The following SLFN12L variants were observed in gnomAD, a reference collection of about 807,000 sequenced individuals.
SLFN12L encodes the protein schlafen family member 12-like.
Under a neutral mutation model 34.8 loss-of-function variants are expected in SLFN12L, and 34 were observed. That is an observed-to-expected ratio of 0.98 (90% confidence interval 0.74 to 1.30). SLFN12L has a LOEUF of 1.30. Ranked by LOEUF, SLFN12L falls within the 50% of genes most tolerant of loss-of-function variation. The probability of loss-of-function intolerance (pLI) is 0.00; values close to 1 mark genes in which losing one functional copy is unlikely to be tolerated. For synonymous variants in SLFN12L, 259 were observed against 247.5 expected, an observed-to-expected ratio of 1.05 and a Z score of -0.44; for missense variants, 703 against 696.2, an observed-to-expected ratio of 1.01 and a Z score of -0.11.
At chr17:35,489,789 C>T (rs920046053) in intron 2 of SLFN12L, among the ~76,000 whole-genome samples, 1 of 152,162 alleles carries the variant, frequency 6.6e-6, no homozygotes, top group Non-Finnish European at 1.5e-5. Flanking sequence ...GACGTCTGCA[C>T]TTATTCCATA....
chr17:35,529,859 C>T (rs2072374004), intron 1 of SLFN12L, among the ~76,000 whole-genome samples: 1 of 151,266 alleles, frequency 6.6e-6, no homozygotes, highest in South Asian at 2.1e-4. Context: ...AAGAACTTGT[C>T]CATATAACAA....
intron 2 of SLFN12L, among the ~76,000 whole-genome samples, chr17:35,482,417 G>A (rs558154722): frequency 7.7e-4 from 118 of 152,326 alleles, no homozygotes; most frequent in African/African-American, 2.7e-3. Context: ...TCTGGAGCCC[G>A]TGGGAGCCCT....
intron 2 of SLFN12L, 125 bp downstream of exon 2, chr17:35,522,154 C>A: frequency 7.5e-7 from 1 of 1,333,496 alleles, no homozygotes; most frequent in Non-Finnish European, 1.0e-6. Context: ...CCATTGTGCT[C>A]TCCTAAACAC....
rs1915066964 is a variant in SLFN12L, at chr17:35,496,249, C to T, written c.87-16054G>A. Among the ~76,000 whole-genome samples the T allele has an allele frequency of 4.0e-5, 6 of 151,708 alleles. No homozygotes were observed. The South Asian group carries it at 1.2e-3, about 32-fold the overall frequency. On this transcript the variant is annotated intron_variant, in intron 2 of 4. Coordinates refer to ENST00000628453, the MANE Select transcript of SLFN12L (RefSeq NM_001363830.2). The stretch of plus-strand genomic sequence containing the variant: ...CTGTAATCCCGACACTTTGGGAGGC[C>T]GAAATGGGCGAATCTTATGAGCCCA...
rs1006036842 is a variant in SLFN12L, at chr17:35,470,689, T to C, written c.*4234A>G. On this transcript the variant is annotated 3_prime_UTR_variant, in exon 5 of 5. Coordinates refer to ENST00000628453, the MANE Select transcript of SLFN12L (RefSeq NM_001363830.2). ...TTTAAGTTCTTTTTTTTTTTTTTAATTTTTATTATACTTTAAGCTCTGGGA... is the reference window on the plus strand; with the variant it reads ...TTTAAGTTCTTTTTTTTTTTTTTAACTTTTATTATACTTTAAGCTCTGGGA... 1 of 147,576 alleles carries C rather than the reference T, an allele frequency of 6.8e-6. No homozygotes were observed. Among genetic ancestry groups the C allele is most frequent in the African/African-American group, 2.5e-5 (1 of 39,276 alleles). The allele number at this position is 147,576 out of a possible 1,614,324, so 9.1% of individuals were successfully genotyped here.
At chr17:35,484,674 G>T (rs1914504709) in intron 2 of SLFN12L, among the ~76,000 whole-genome samples, 1 of 152,186 alleles carries the variant, frequency 6.6e-6, no homozygotes, top group Non-Finnish European at 1.5e-5. Context: ...CCTATTCCAG[G>T]AGAATAGCCT....
intron 1 of SLFN12L, among the ~76,000 whole-genome samples, 149 bp downstream of exon 1, chr17:35,537,420 CTACT>C (rs1180853987): frequency 6.6e-6 from 1 of 152,224 alleles, no homozygotes; most frequent in Non-Finnish European, 1.5e-5. Context: ...CCTAAAGTGT[CTACT>C]TCATCCTCTC....
chr17:35,530,588 T>C (rs2072402122), intron 1 of SLFN12L, among the ~76,000 whole-genome samples: 1 of 151,918 alleles, frequency 6.6e-6, no homozygotes, highest in Admixed American at 6.6e-5. Context: ...ACTTTTGGAC[T>C]ATACATTCTT....
chr17:35,507,255 T>G (rs1217810803), intron 2 of SLFN12L, among the ~76,000 whole-genome samples: 1 of 152,212 alleles, frequency 6.6e-6, no homozygotes, highest in Non-Finnish European at 1.5e-5. Flanking sequence ...GGAAAGATGA[T>G]GAATGGCCCC....
chr17:35,487,931 G>A (rs190015393), intron 2 of SLFN12L: 274 of 710,670 alleles, frequency 3.9e-4, no homozygotes, highest in African/African-American at 3.1e-3. Flanking sequence ...ATCCAACGAC[G>A]GGCGCGGTGA....
rs1257713735 is a variant in SLFN12L at position 35,471,133 on chromosome 17, T to G, written c.*3790A>C. On this transcript the variant is annotated 3_prime_UTR_variant, in exon 5 of 5. Coordinates refer to ENST00000628453, the MANE Select transcript of SLFN12L (RefSeq NM_001363830.2). ...GGGGCAATAAACATATGTGTGCATGTGTCTTTTTTTTTTTTTTTCTGAGAC... is the reference window on the plus strand; with the variant it reads ...GGGGCAATAAACATATGTGTGCATGGGTCTTTTTTTTTTTTTTTCTGAGAC... 1.1e-5 allele frequency among the ~76,000 whole-genome samples: 1 copy of G among 87,814 alleles called. No homozygotes were observed. Among genetic ancestry groups the G allele is most frequent in the Non-Finnish European group, 2.1e-5 (1 of 47,970 alleles). 57.6% of individuals were successfully genotyped at this position (87,814 alleles called of 152,430 possible).
intron 1 of SLFN12L, among the ~76,000 whole-genome samples, chr17:35,523,566 C>T (rs79515499): frequency 6.6e-6 from 1 of 152,192 alleles, no homozygotes; most frequent in Non-Finnish European, 1.5e-5. Flanking sequence ...CCCCCCATTA[C>T]AAAAGTCTTC....
chr17:35,530,441 G>GAAGGAAAGAAAGAAAGA (rs1555545952), intron 1 of SLFN12L, among the ~76,000 whole-genome samples: 1 of 16,838 alleles, frequency 5.9e-5, no homozygotes. Flanking sequence ...GAAGGGAAGG[G>GAAGGAAAGAAAGAAAGA]AAGAAAGAAA....
At chr17:35,514,160 C>T (rs1915741180) in intron 2 of SLFN12L, among the ~76,000 whole-genome samples, 1 of 152,188 alleles carries the variant, frequency 6.6e-6, no homozygotes, top group Non-Finnish European at 1.5e-5. Flanking sequence ...TTTGCAACTA[C>T]TTATATTTTA....
intron 2 of SLFN12L, chr17:35,500,409 G>T (rs1033801695): frequency 6.6e-6 from 1 of 152,226 alleles, no homozygotes; most frequent in East Asian, 1.9e-4. Context: ...ATAGCCTGGC[G>T]CCATGCCTCA....
intron 2 of SLFN12L, among the ~76,000 whole-genome samples, chr17:35,495,613 T>G (rs900905231): frequency 3.3e-5 from 5 of 152,092 alleles, no homozygotes; most frequent in Non-Finnish European, 7.4e-5. Context: ...GCGCCTTCTT[T>G]GGCTCTCCCC....
chr17:35,481,826 T>C (rs9915156), intron 2 of SLFN12L, among the ~76,000 whole-genome samples: 2,337 of 152,236 alleles, frequency 0.015, 55 homozygotes, highest in African/African-American at 0.052. Flanking sequence ...ATAATATTGG[T>C]TTTTTTGTTT....
At chr17:35,491,314 G>T (rs1227662433) in intron 2 of SLFN12L, 9 of 553,138 alleles carry the variant, frequency 1.6e-5, no homozygotes, top group Non-Finnish European at 2.8e-5. Flanking sequence ...GTCATGCAAT[G>T]TTGTCCCTTC....
At chr17:35,489,207 G>C (rs9898870) in intron 2 of SLFN12L, among the ~76,000 whole-genome samples, 42,411 of 151,920 alleles carry the variant, frequency 0.28, 6,244 homozygotes, top group Middle Eastern at 0.32. Context: ...GTAGTGCAGG[G>C]ATTTTCCCAG....
Sources: gnomAD v4.1 joint callset for allele counts (sites outside exome capture counted in the v4.1 genomes callset) on GRCh38, gnomAD v4.1.1 for gene constraint, MANE v1.5 for transcripts, NCBI Gene and HGNC (gene_info 2026-07-23, HGNC 2026-07-21) for gene names.